Variants in RGS7BP observed in about 807,000 individuals in gnomAD.
RGS7BP encodes the protein regulator of G protein signaling 7 binding protein.
A neutral mutation model predicts 31.3 loss-of-function variants in RGS7BP; 9 were observed. That is an observed-to-expected ratio of 0.29 (90% CI 0.17 to 0.50). The LOEUF (loss-of-function observed/expected upper bound fraction) is 0.50. Among genes scored for constraint, RGS7BP ranks in the 20% least tolerant of loss-of-function variants. The probability of loss-of-function intolerance (pLI) is 0.98; values close to 1 mark genes in which losing one functional copy is unlikely to be tolerated. For synonymous variants in RGS7BP, 115 were observed against 120.1 expected (o/e 0.96, Z 0.28); for missense variants, 274 against 322.0 (o/e 0.85, Z 1.14).
intron 2 of RGS7BP, among the ~76,000 whole-genome samples, chr5:64,567,407 A>G (rs953536741): frequency 6.6e-6 from 1 of 152,190 alleles, no homozygotes; most frequent in Non-Finnish European, 1.5e-5. Flanking sequence ...ATGAGATGAT[A>G]GAATAATGTC....
intron 2 of RGS7BP, among the ~76,000 whole-genome samples, chr5:64,528,123 T>A (rs1216755427): frequency 7.9e-5 from 12 of 152,242 alleles, no homozygotes; most frequent in African/African-American, 2.9e-4. Context: ...CTTAGACTTG[T>A]TCATCTTCCT....
intron 2 of RGS7BP, among the ~76,000 whole-genome samples, chr5:64,574,695 T>C (rs1052574366): frequency 1.3e-5 from 2 of 152,212 alleles, no homozygotes; most frequent in Non-Finnish European, 2.9e-5. Flanking sequence ...GTAATTATCA[T>C]TGTAATGTGC....
At chr5:64,579,680 A>G (rs1382946936) in intron 3 of RGS7BP, among the ~76,000 whole-genome samples, 1 of 152,158 alleles carries the variant, frequency 6.6e-6, no homozygotes, top group Admixed American at 6.5e-5. Context: ...CATATGCATG[A>G]AAATATATAC....
At position 64,609,558 on chromosome 5, in the gene RGS7BP, A is replaced by G. The variant is rs1458235475; in HGVS notation, c.*306A>G. On this transcript the variant is annotated 3_prime_UTR_variant, in exon 6 of 6. Coordinates refer to ENST00000334025, the MANE Select transcript of RGS7BP (RefSeq NM_001029875.3). Reference sequence around the variant, plus strand: ...AAGAATTATGATTTTTAAATTATTTAAAGGTTTTTTAAATGTATTATACAG... The same window carrying G: ...AAGAATTATGATTTTTAAATTATTTGAAGGTTTTTTAAATGTATTATACAG... The G allele has an allele frequency of 3.4e-6, 1 of 298,118 alleles. No homozygotes were observed. Among genetic ancestry groups the G allele is most frequent in the Non-Finnish European group, 6.4e-6 (1 of 155,086 alleles). 18.5% of individuals were successfully genotyped at this position (298,118 alleles called of 1,614,324 possible).
In RGS7BP at chr5:64,582,092, A is replaced by C. The variant is rs146121425; in HGVS notation, c.463+6188A>C. ...TTATAGATTGAAGCATTACTTGACA[A>C]AGTCTAATTTCTATGTTTATGGTGA... On this transcript the variant is annotated intron_variant, in intron 3 of 5. Transcript: ENST00000334025. Among the ~76,000 whole-genome samples, 255 of 152,336 alleles carry C rather than the reference A, an allele frequency of 1.7e-3. 1 individual carries two copies. The highest frequency in any genetic ancestry group is 5.9e-3 in the African/African-American group (246 of 41,582).
chr5:64,594,792 A>G lies in RGS7BP; in HGVS notation c.546A>G (p.Ser182=), dbSNP rs1478754633. 1.2e-6 allele frequency: 2 copies of G among 1,613,820 alleles called. No individual in the cohort carries two copies. Among genetic ancestry groups the G allele is most frequent in the Non-Finnish European group, 1.7e-6 (2 of 1,179,816 alleles). The change falls in exon 4 of 6, where the codon TCA becomes TCG. Residue 182 remains serine, a synonymous_variant. Coordinates refer to ENST00000334025, the MANE Select transcript of RGS7BP (RefSeq NM_001029875.3). Reference sequence around the variant, plus strand: ...AAACACCTGCCCTAGAAGACTCCTCATCATCCCCCGTAGATAGTCAGCAAC... The same window carrying G: ...AAACACCTGCCCTAGAAGACTCCTCGTCATCCCCCGTAGATAGTCAGCAAC... ...SAETPALEDS[S]SSPVDSQQHS...
intron 3 of RGS7BP, among the ~76,000 whole-genome samples, chr5:64,590,822 C>T (rs143376989): frequency 2.0e-5 from 3 of 151,976 alleles, no homozygotes; most frequent in Admixed American, 2.0e-4. Context: ...CAGAAATAAA[C>T]CCACATTTAT....
At chr5:64,557,801 C>T (rs552251210) in intron 2 of RGS7BP, among the ~76,000 whole-genome samples, 1 of 152,244 alleles carries the variant, frequency 6.6e-6, no homozygotes, top group East Asian at 1.9e-4. Flanking sequence ...TTTGTTAACT[C>T]TTATGCTAAT....
intron 3 of RGS7BP, among the ~76,000 whole-genome samples, chr5:64,580,154 T>A (rs1338319750): frequency 6.6e-6 from 1 of 151,802 alleles, no homozygotes; most frequent in Non-Finnish European, 1.5e-5. Flanking sequence ...AACCCAAGAG[T>A]ATTAAACTAT....
At chr5:64,596,889 G>A (rs1048386775) in intron 4 of RGS7BP, among the ~76,000 whole-genome samples, 1 of 152,126 alleles carries the variant, frequency 6.6e-6, no homozygotes, top group Non-Finnish European at 1.5e-5. Context: ...CAGAACTGTG[G>A]TGTTTTGTGA....
intron 3 of RGS7BP, among the ~76,000 whole-genome samples, chr5:64,579,072 C>G (rs1204329064): frequency 6.6e-6 from 1 of 152,176 alleles, no homozygotes; most frequent in Non-Finnish European, 1.5e-5. Flanking sequence ...ATGTACCCTA[C>G]ACTCCTGGCA....
intron 2 of RGS7BP, among the ~76,000 whole-genome samples, chr5:64,554,054 A>C (rs1419176929): frequency 1.3e-5 from 2 of 151,928 alleles, no homozygotes; most frequent in Non-Finnish European, 1.5e-5. Flanking sequence ...CTGCTCTTTG[A>C]CCCTCCAAAT....
At chr5:64,556,034 G>C (rs1447555075) in intron 2 of RGS7BP, among the ~76,000 whole-genome samples, 1 of 151,996 alleles carries the variant, frequency 6.6e-6, no homozygotes, top group South Asian at 2.1e-4. Context: ...TAGAAGTAGA[G>C]TTGATGGGTT....
At chr5:64,608,936 T>C (rs1743434044) in intron 5 of RGS7BP, among the ~76,000 whole-genome samples, 1 of 152,012 alleles carries the variant, frequency 6.6e-6, no homozygotes, top group African/African-American at 2.4e-5. Flanking sequence ...TTGCCACAAA[T>C]TGTCATACAG....
chr5:64,577,921 T>G (rs1409131044), intron 3 of RGS7BP, among the ~76,000 whole-genome samples: 2 of 152,236 alleles, frequency 1.3e-5, no homozygotes, highest in Non-Finnish European at 2.9e-5. Flanking sequence ...GCTGATGGCA[T>G]GTCCTTAACA....
intron 2 of RGS7BP, among the ~76,000 whole-genome samples, chr5:64,564,125 C>A (rs1316134414): frequency 6.6e-6 from 1 of 152,116 alleles, no homozygotes; most frequent in Admixed American, 6.6e-5. Flanking sequence ...TATTTTAAAG[C>A]AAATGACCTA....
chr5:64,559,816 G>A (rs1742010345), intron 2 of RGS7BP, among the ~76,000 whole-genome samples: 2 of 152,106 alleles, frequency 1.3e-5, no homozygotes, highest in South Asian at 4.1e-4. Flanking sequence ...TGACATATAT[G>A]TGCATTTATT....
intron 2 of RGS7BP, chr5:64,573,689 G>C (rs1240551167): frequency 6.6e-6 from 1 of 152,188 alleles, no homozygotes; most frequent in Non-Finnish European, 1.5e-5. Context: ...GTTACAGTTA[G>C]ATAGAAGGAG....
rs1287231090 is a variant in RGS7BP, at chr5:64,609,193, C to A, written c.715C>A (p.Pro239Thr). The change falls in exon 6 of 6, where the codon CCC (proline) becomes ACC (threonine). Residue 239 changes from proline to threonine, a missense_variant. Around this residue, in one of 3 missense-constraint regions of RGS7BP, gnomAD observed 112 missense variants for 130.9 expected, o/e 0.86. Coordinates refer to ENST00000334025, the MANE Select transcript of RGS7BP (RefSeq NM_001029875.3). ...DSSLLNLTPY[P>T]LVRRRKRRFF... ...CAGCCTTCTGAATCTAACTCCCTAC[C>A]CCCTGGTGAGAAGACGGAAGAGAAG... The A allele has an allele frequency of 3.7e-6, 6 of 1,611,248 alleles. No individual in the cohort carries two copies. The highest frequency in any genetic ancestry group is 5.1e-6 in the Non-Finnish European group (6 of 1,177,860).
Sources: gnomAD v4.1 joint callset for allele counts (sites outside exome capture counted in the v4.1 genomes callset) on GRCh38, gnomAD v4.1.1 for gene constraint, gnomAD v4.1.1 regional missense constraint, MANE v1.5 for transcripts, NCBI Gene and HGNC (gene_info 2026-07-23, HGNC 2026-07-21) for gene names.